CCSER1: variants seen among roughly 807,000 people sequenced by gnomAD.
CCSER1 encodes the protein coiled-coil serine rich protein 1, also known as serine-rich coiled-coil domain-containing protein 1.
CCSER1 carries 41 observed loss-of-function variants against 82.0 expected under a neutral mutation model. The ratio of observed to expected loss-of-function variants is 0.50; its 90% CI spans 0.39 to 0.65. The LOEUF is 0.65. CCSER1 is among the 30% of genes least tolerant of loss of function. CCSER1 has a pLI of 0.00. For synonymous variants in CCSER1, 414 were observed against 383.9 expected, an observed-to-expected ratio of 1.08 and a Z score of -0.92; for missense variants, 1,119 against 1,064.2, an observed-to-expected ratio of 1.05 and a Z score of -0.72.
intron 9 of CCSER1, among the ~76,000 whole-genome samples, chr4:90,937,101 A>G (rs1184804896): frequency 6.6e-6 from 1 of 152,174 alleles, no homozygotes; most frequent in African/African-American, 2.4e-5. Context: ...CCAAAGAAGT[A>G]AAAAAGAGAA....
intron 9 of CCSER1, among the ~76,000 whole-genome samples, chr4:91,054,470 G>T (rs565905551): frequency 1.3e-5 from 2 of 151,670 alleles, no homozygotes; most frequent in East Asian, 1.9e-4. Context: ...GTCCTTCTTT[G>T]TCTTTTTTAA....
At chr4:90,150,457 G>A (rs555505367) in intron 1 of CCSER1, among the ~76,000 whole-genome samples, 9 of 152,224 alleles carry the variant, frequency 5.9e-5, no homozygotes, top group Admixed American at 2.0e-4. Flanking sequence ...GCATCTTGCT[G>A]CTTTAAGTAT....
chr4:90,811,987 T>A (rs1273841738), intron 7 of CCSER1, among the ~76,000 whole-genome samples: 2,155 of 123,478 alleles, frequency 0.017, 36 homozygotes, highest in African/African-American at 0.056. Flanking sequence ...TATATATATA[T>A]ATAAACACAT....
At chr4:91,233,839 G>C (rs1738805355) in intron 10 of CCSER1, among the ~76,000 whole-genome samples, 2 of 151,266 alleles carry the variant, frequency 1.3e-5, no homozygotes, top group African/African-American at 4.9e-5. Context: ...TGTGACATTT[G>C]GCAACTACAA....
At chr4:90,606,449 G>T (rs73833727) in intron 5 of CCSER1, among the ~76,000 whole-genome samples, 3,909 of 152,194 alleles carry the variant, frequency 0.026, 105 homozygotes, top group African/African-American at 0.059. Flanking sequence ...ATGACATCAC[G>T]AGGCAGCTCG....
chr4:91,054,401 C>G (rs1001167506), intron 9 of CCSER1, among the ~76,000 whole-genome samples: 1 of 152,106 alleles, frequency 6.6e-6, no homozygotes, highest in Non-Finnish European at 1.5e-5. Flanking sequence ...TAGATGGAAT[C>G]TTTTATTTAT....
At chr4:90,166,674 C>G (rs769442857) in intron 1 of CCSER1, among the ~76,000 whole-genome samples, 2 of 151,906 alleles carry the variant, frequency 1.3e-5, no homozygotes, top group African/African-American at 2.4e-5. Flanking sequence ...TGATAATCAG[C>G]TGCAGCAAAA....
chr4:90,766,032 T>C (rs1487692718), intron 7 of CCSER1, among the ~76,000 whole-genome samples: 1 of 151,680 alleles, frequency 6.6e-6, no homozygotes, highest in Non-Finnish European at 1.5e-5. Flanking sequence ...TTAAAGGCAT[T>C]GTAGGAAAAA....
intron 1 of CCSER1, among the ~76,000 whole-genome samples, chr4:90,166,988 A>C (rs1400748660): frequency 6.6e-6 from 1 of 151,982 alleles, no homozygotes; most frequent in Admixed American, 6.6e-5. Flanking sequence ...AATTTAGTGA[A>C]ATTCTTTAAT....
chr4:91,523,059 G>A (rs969726543), intron 10 of CCSER1, among the ~76,000 whole-genome samples: 1 of 152,182 alleles, frequency 6.6e-6, no homozygotes, highest in African/African-American at 2.4e-5. Flanking sequence ...TCAATATCTA[G>A]TTTATTGAGA....
chr4:90,460,324 C>CAAAAAAAAAAAAAAAAAAAAAAAAAA (rs751331396), intron 4 of CCSER1, among the ~76,000 whole-genome samples: 3 of 32,648 alleles, frequency 9.2e-5, no homozygotes, highest in African/African-American at 1.5e-4. Context: ...AACTCCGTCT[C>CAAAAAAAAAAAAAAAAAAAAAAAAAA]AAAAAAAAAA....
intron 5 of CCSER1, among the ~76,000 whole-genome samples, chr4:90,540,627 T>C (rs1042719042): frequency 5.9e-5 from 9 of 152,112 alleles, no homozygotes; most frequent in African/African-American, 2.2e-4. Flanking sequence ...CCACTTCCAC[T>C]TAATTGATAT....
intron 9 of CCSER1, among the ~76,000 whole-genome samples, chr4:91,034,543 A>C (rs4693254): frequency 1.4e-5 from 1 of 71,068 alleles, no homozygotes; most frequent in Non-Finnish European, 3.5e-5. Context: ...AATTTCATAC[A>C]CCCCCCCCAA....
intron 10 of CCSER1, among the ~76,000 whole-genome samples, chr4:91,193,823 T>C (rs1312776608): frequency 5.2e-5 from 2 of 38,532 alleles, no homozygotes; most frequent in Non-Finnish European, 9.7e-5. Context: ...GTTTTATTGA[T>C]TTTTTTTTTC....
At chr4:90,417,245 G>A (rs143755959) in intron 4 of CCSER1, among the ~76,000 whole-genome samples, 1 of 151,848 alleles carries the variant, frequency 6.6e-6, no homozygotes, top group East Asian at 1.9e-4. Flanking sequence ...AAAAACCAAT[G>A]CATTTAAATG....
At chr4:90,604,987 C>T (rs1297697193) in intron 5 of CCSER1, among the ~76,000 whole-genome samples, 2 of 145,650 alleles carry the variant, frequency 1.4e-5, no homozygotes. Context: ...CCAGCAGCGG[C>T]AACTGAGTGA....
intron 10 of CCSER1, among the ~76,000 whole-genome samples, chr4:91,125,339 A>G (rs936400156): frequency 4.0e-5 from 6 of 151,676 alleles, no homozygotes; most frequent in Admixed American, 1.3e-4. Flanking sequence ...TTGCATGGCA[A>G]TTTTATTTTT....
intron 9 of CCSER1, among the ~76,000 whole-genome samples, chr4:91,046,938 G>A (rs752353991): frequency 2.6e-5 from 4 of 151,794 alleles, no homozygotes; most frequent in African/African-American, 7.3e-5. Context: ...AGATGGTCTC[G>A]ATCTCCTGAT....
intron 3 of CCSER1, among the ~76,000 whole-genome samples, chr4:90,344,404 T>A (rs1741959981): frequency 6.6e-6 from 1 of 152,218 alleles, no homozygotes; most frequent in Non-Finnish European, 1.5e-5. Flanking sequence ...CTTATCACAC[T>A]TACTTGAATC....
Sources: gnomAD v4.1 joint callset for allele counts (sites outside exome capture counted in the v4.1 genomes callset) on GRCh38, gnomAD v4.1.1 for gene constraint, MANE v1.5 for transcripts, NCBI Gene and HGNC (gene_info 2026-07-23, HGNC 2026-07-21) for gene names.